The following SLC5A4 variants were observed in gnomAD, a reference collection of about 807,000 sequenced individuals.
SLC5A4 encodes the protein solute carrier family 5 member 4, also known as probable glucose sensor protein SLC5A4.
In SLC5A4, 55 loss-of-function variants were observed where a neutral mutation model predicts 70.3. That is an observed-to-expected ratio of 0.78 (90% CI 0.63 to 0.98). The LOEUF (loss-of-function observed/expected upper bound fraction) is 0.98. Ranked by LOEUF, SLC5A4 falls within the 50% of genes least tolerant of loss-of-function variation. The pLI, the probability that SLC5A4 is intolerant of heterozygous loss-of-function variation, is 0.00. For missense variants in SLC5A4, 735 were observed against 839.2 expected (o/e 0.88, Z 1.53); for synonymous variants, 268 against 305.7 (o/e 0.88, Z 1.29).
the SLC5A4 span, among the ~76,000 whole-genome samples, chr22:32,316,539 CTTTT>C: frequency 2.1e-5 from 3 of 146,160 alleles, no homozygotes; most frequent in East Asian, 6.1e-4. Flanking sequence ...TTTTTTTTTA[CTTTT>C]TTTAAAGACA....
chr22:32,267,642 C>T, the SLC5A4 span, among the ~76,000 whole-genome samples: 1,241 of 152,152 alleles, frequency 8.2e-3, 15 homozygotes, highest in African/African-American at 0.029. Flanking sequence ...CTGCACCCAG[C>T]CAACCTTTAA....
chr22:32,241,839 C>CTCTG (rs778802908), intron 5 of SLC5A4, among the ~76,000 whole-genome samples: 1 of 114,074 alleles, frequency 8.8e-6, no homozygotes, highest in African/African-American at 3.2e-5. Flanking sequence ...ATATATATAT[C>CTCTG]TGTGTGTGTG....
At chr22:32,303,319 G>C in the SLC5A4 span, among the ~76,000 whole-genome samples, 1 of 152,214 alleles carries the variant, frequency 6.6e-6, no homozygotes, top group African/African-American at 2.4e-5. Context: ...GGACTTCTGG[G>C]TCATAGGTAA....
chr22:32,256,378 A>T (rs1163025288), upstream of SLC5A4, among the ~76,000 whole-genome samples: 2 of 152,164 alleles, frequency 1.3e-5, no homozygotes, highest in Non-Finnish European at 2.9e-5. Context: ...GAAAGCCCAG[A>T]AATTCTTCTT....
the SLC5A4 span, among the ~76,000 whole-genome samples, chr22:32,303,097 GAGAC>G: frequency 6.6e-6 from 1 of 152,198 alleles, no homozygotes; most frequent in East Asian, 1.9e-4. Context: ...AAAAGTCTCT[GAGAC>G]AGATCTCAAT....
the SLC5A4 span, among the ~76,000 whole-genome samples, chr22:32,322,993 C>T: frequency 1.3e-5 from 2 of 152,166 alleles, no homozygotes; most frequent in Non-Finnish European, 2.9e-5. Context: ...CTTAGCTCTT[C>T]AGGAATGCAA....
chr22:32,231,237 G>A (rs1925746867), intron 9 of SLC5A4, among the ~76,000 whole-genome samples, 162 bp from the exon 10 acceptor site: 2 of 152,184 alleles, frequency 1.3e-5, no homozygotes, highest in Non-Finnish European at 2.9e-5. Context: ...GCCCCTCTAT[G>A]CCCAAAACAC....
chr22:32,332,757 T>A, the SLC5A4 span, among the ~76,000 whole-genome samples: 11 of 152,182 alleles, frequency 7.2e-5, no homozygotes, highest in Non-Finnish European at 2.9e-5. Flanking sequence ...TACATCCCCA[T>A]GGTAAAGGTT....
the SLC5A4 span, among the ~76,000 whole-genome samples, chr22:32,338,303 G>A: frequency 2.6e-5 from 4 of 152,018 alleles, no homozygotes; most frequent in African/African-American, 7.3e-5. Flanking sequence ...GGCAACTCAC[G>A]AGAGGAAATA....
chr22:32,314,128 C>T, the SLC5A4 span, among the ~76,000 whole-genome samples: 1 of 152,200 alleles, frequency 6.6e-6, no homozygotes, highest in Non-Finnish European at 1.5e-5. Context: ...ACTCTCCACT[C>T]TTTGCATCAG....
At chr22:32,260,265 TG>T (rs79525029), upstream of SLC5A4, among the ~76,000 whole-genome samples, 11,741 of 151,434 alleles carry the variant, frequency 0.078, 723 homozygotes, top group African/African-American at 0.17. Flanking sequence ...GCAGCAGAGG[TG>T]GGGGTGCTTA....
chr22:32,335,306 A>C, the SLC5A4 span, among the ~76,000 whole-genome samples: 7 of 151,954 alleles, frequency 4.6e-5, no homozygotes, highest in African/African-American at 1.7e-4. Flanking sequence ...GCCCAGAGCA[A>C]CCAGGCTGGC....
Position 32,230,952 on chromosome 22 carries a change from A to G in SLC5A4, c.1129+16T>C. On this transcript the variant is annotated intron_variant, in intron 10 of 14. Transcript: ENST00000266086. The stretch of plus-strand genomic sequence containing the variant: ...GACAGGCCTCTGGGGCTGTCCCAGC[A>G]GGGACATTTTCCTACCTTGGGGCAT... 6.5e-7 allele frequency: 1 copy of G among 1,527,412 alleles called. No individual in the cohort carries two copies. 94.6% of individuals were successfully genotyped at this position (1,527,412 alleles called of 1,614,324 possible).
At chr22:32,244,100 T>C (rs2294210) in intron 5 of SLC5A4, among the ~76,000 whole-genome samples, 4,671 of 152,306 alleles carry the variant, frequency 0.031, 112 homozygotes, top group East Asian at 0.12. Flanking sequence ...GATACTGATG[T>C]TGGCCAAAAA....
chr22:32,335,900 C>CA, the SLC5A4 span, among the ~76,000 whole-genome samples: 5 of 152,198 alleles, frequency 3.3e-5, no homozygotes, highest in Non-Finnish European at 2.9e-5. Context: ...CTCCAGCCCA[C>CA]GGGCAAGCCT....
intron 5 of SLC5A4, among the ~76,000 whole-genome samples, chr22:32,243,968 G>A (rs370864270): frequency 5.1e-4 from 77 of 152,314 alleles, no homozygotes; most frequent in African/African-American, 1.9e-3. Flanking sequence ...CAGCCTGGAA[G>A]ATAGAGTGAG....
the SLC5A4 span, chr22:32,327,317 C>T: frequency 6.6e-6 from 1 of 152,308 alleles, no homozygotes; most frequent in Admixed American, 6.5e-5. Flanking sequence ...GGGCACAGAT[C>T]CAGGCTGGGG....
the SLC5A4 span, among the ~76,000 whole-genome samples, chr22:32,292,073 T>C: frequency 8.6e-6 from 1 of 116,088 alleles, no homozygotes; most frequent in African/African-American, 4.0e-5. Context: ...GGGGTTTTAG[T>C]ATATATATAT....
chr22:32,343,611 T>G, the SLC5A4 span, among the ~76,000 whole-genome samples: 3 of 152,216 alleles, frequency 2.0e-5, no homozygotes, highest in Non-Finnish European at 4.4e-5. Context: ...ATTGCTTACA[T>G]CCATAAGCAG....
Sources: gnomAD v4.1 joint callset for allele counts (sites outside exome capture counted in the v4.1 genomes callset) on GRCh38, gnomAD v4.1.1 for gene constraint, MANE v1.5 for transcripts, NCBI Gene and HGNC (gene_info 2026-07-23, HGNC 2026-07-21) for gene names.